Variants in NCAM1 observed in about 807,000 individuals in gnomAD.
NCAM1 encodes antigen recognized by monoclonal antibody 5.1H11.
In NCAM1, 14 loss-of-function variants were observed where a neutral mutation model predicts 109.8. The observed-to-expected ratio is 0.13, with a 90% CI of 0.08 to 0.20. NCAM1 has a LOEUF of 0.20. Ranked by LOEUF, NCAM1 falls within the 10% of genes least tolerant of loss-of-function variation. The probability of loss-of-function intolerance (pLI) is 1.00; values close to 1 mark genes in which losing one functional copy is unlikely to be tolerated. For synonymous variants in NCAM1, 418 were observed against 442.9 expected, an observed-to-expected ratio of 0.94 and a Z score of 0.70; for missense variants, 774 against 1,109.9, an observed-to-expected ratio of 0.70 and a Z score of 4.30.
chr11:113,189,306 C>T (rs1555109398), intron 1 of NCAM1, among the ~76,000 whole-genome samples: 1 of 151,870 alleles, frequency 6.6e-6, no homozygotes, highest in Non-Finnish European at 1.5e-5. Context: ...AAAAATTAGC[C>T]AGGCATGGTG....
intron 1 of NCAM1, among the ~76,000 whole-genome samples, chr11:113,147,474 C>A (rs1337614156): frequency 6.6e-6 from 1 of 152,250 alleles, no homozygotes; most frequent in Non-Finnish European, 1.5e-5. Context: ...ACAGGCTCAA[C>A]TGCCAGAGGG....
intron 1 of NCAM1, among the ~76,000 whole-genome samples, chr11:113,194,969 A>G (rs542012350): frequency 2.6e-5 from 4 of 152,328 alleles, no homozygotes; most frequent in African/African-American, 9.6e-5. Flanking sequence ...CGCTGATGGA[A>G]GGACTGGCAG....
chr11:113,186,088 G>A (rs1352118741), intron 1 of NCAM1, among the ~76,000 whole-genome samples: 4 of 152,308 alleles, frequency 2.6e-5, no homozygotes, highest in African/African-American at 4.8e-5. Flanking sequence ...GCACTATGCT[G>A]GGTATTGGGA....
At chr11:113,081,343 G>A (rs782463936) in intron 1 of NCAM1, among the ~76,000 whole-genome samples, 7 of 152,106 alleles carry the variant, frequency 4.6e-5, no homozygotes, top group Admixed American at 6.5e-5. Flanking sequence ...GAAGTATGGC[G>A]GACGGTTCCC....
In NCAM1 at chr11:113,263,585, G is replaced by A. The variant is rs182681197; in HGVS notation, c.2131+3262G>A. ...GATGTGCTTTCAGTCCTCGTATTAC[G>A]GCCAGCACCTTACACTGTCTCTGTG... On this transcript the variant is annotated intron_variant, in intron 17 of 19. Transcript: ENST00000316851. 42 of 985,564 alleles carry A rather than the reference G, an allele frequency of 4.3e-5. No individual in the cohort carries two copies. In the African/African-American group the frequency reaches 5.4e-4, roughly 13 times the overall value. 61.1% of individuals were successfully genotyped at this position (985,564 alleles called of 1,614,324 possible). A position where few individuals can be genotyped will look rare whatever the true frequency, so the allele number is the denominator to read the frequency against.
chr11:113,268,813 C>T (rs1399652346), intron 17 of NCAM1, among the ~76,000 whole-genome samples: 2 of 152,182 alleles, frequency 1.3e-5, no homozygotes, highest in African/African-American at 4.8e-5. Flanking sequence ...TGAGCCTGGC[C>T]TGGTGCTTGG....
chr11:113,109,347 C>CA (rs369724829), intron 1 of NCAM1, among the ~76,000 whole-genome samples: 2,105 of 88,664 alleles, frequency 0.024, 93 homozygotes, highest in African/African-American at 0.071. Context: ...GACTCTGTCT[C>CA]AAAAAAAAGA....
intron 1 of NCAM1, chr11:113,133,682 A>G (rs1941493705): frequency 6.6e-6 from 1 of 152,128 alleles, no homozygotes; most frequent in Non-Finnish European, 1.5e-5. Flanking sequence ...TCAGGGGGGA[A>G]TCTTTGTGTT....
chr11:112,995,925 C>G (rs575952364), intron 1 of NCAM1, among the ~76,000 whole-genome samples: 1 of 152,200 alleles, frequency 6.6e-6, no homozygotes, highest in South Asian at 2.1e-4. Context: ...GGAGCCTGAC[C>G]ACCGGCAGGG....
chr11:113,241,253 A>G (rs1389235726), intron 14 of NCAM1, among the ~76,000 whole-genome samples: 5 of 152,242 alleles, frequency 3.3e-5, no homozygotes. Flanking sequence ...TAATTGGCAC[A>G]GTTGGATACA....
At chr11:113,124,202 T>C (rs1555096623) in intron 1 of NCAM1, among the ~76,000 whole-genome samples, 1 of 152,224 alleles carries the variant, frequency 6.6e-6, no homozygotes, top group Non-Finnish European at 1.5e-5. Flanking sequence ...GTCTTCTTTG[T>C]CTTCTCTAGA....
At chr11:113,263,997 C>T (rs1055886089) in intron 17 of NCAM1, 1 of 985,440 alleles carries the variant, frequency 1.0e-6, no homozygotes, top group East Asian at 1.1e-4. Context: ...AATCCAGCTG[C>T]TCCTCCCTGC....
intron 7 of NCAM1, among the ~76,000 whole-genome samples, chr11:113,208,821 C>T (rs1037323523): frequency 4.6e-5 from 7 of 152,194 alleles, no homozygotes; most frequent in East Asian, 1.9e-4. Flanking sequence ...TCATACACGG[C>T]GTTATCCCTG....
intron 13 of NCAM1, 75 bp from the exon 14 acceptor site, chr11:113,234,958 C>T: frequency 2.0e-6 from 3 of 1,468,440 alleles, no homozygotes; most frequent in Non-Finnish European, 2.7e-6. Flanking sequence ...TTTCAGGACC[C>T]TCCCTACTGT....
At chr11:112,970,033 A>G (rs1376042818) in intron 1 of NCAM1, among the ~76,000 whole-genome samples, 2 of 152,272 alleles carry the variant, frequency 1.3e-5, no homozygotes, top group East Asian at 3.9e-4. Flanking sequence ...ATATGAAGGT[A>G]AATAGGGAGA....
intron 1 of NCAM1, among the ~76,000 whole-genome samples, chr11:113,070,809 G>C (rs930887913): frequency 4.7e-4 from 71 of 152,178 alleles, no homozygotes; most frequent in African/African-American, 1.6e-3. Context: ...AGAAAAGGCA[G>C]GAGCTAGGTG....
intron 11 of NCAM1, 125 bp from the exon 12 acceptor site, chr11:113,232,593 G>A: frequency 1.2e-6 from 1 of 863,750 alleles, no homozygotes. Context: ...TTTAAGGCTG[G>A]GCTGGAGCTA....
At chr11:113,155,851 C>T (rs1942391648) in intron 1 of NCAM1, among the ~76,000 whole-genome samples, 1 of 152,068 alleles carries the variant, frequency 6.6e-6, no homozygotes, top group Non-Finnish European at 1.5e-5. Context: ...CTCCACTCTC[C>T]TCCCCATTCC....
chr11:113,275,146 G>A, intron 19 of NCAM1, 121 bp from the exon 20 acceptor site: 1 of 1,324,114 alleles, frequency 7.6e-7, no homozygotes. Context: ...GGCAGAGGTT[G>A]GAGCCGGGTG....
Sources: allele counts gnomAD v4.1 joint callset (sites outside exome capture counted in the v4.1 genomes callset), GRCh38; gene constraint gnomAD v4.1.1; transcripts MANE v1.5; gene names NCBI Gene and HGNC (gene_info 2026-07-23, HGNC 2026-07-21).